FAM171A1: variants seen among roughly 807,000 people sequenced by gnomAD.
FAM171A1 encodes the protein family with sequence similarity 171 member A1.
Under a neutral mutation model 74.9 loss-of-function variants are expected in FAM171A1, and 23 were observed. The observed-to-expected ratio is 0.31, with a 90% CI of 0.22 to 0.44. The LOEUF is 0.44. Ranked by LOEUF, FAM171A1 falls within the 20% of genes least tolerant of loss-of-function variation. The probability of loss-of-function intolerance (pLI) is 1.00; values close to 1 mark genes in which losing one functional copy is unlikely to be tolerated. For missense variants in FAM171A1, 1,162 were observed against 1,159.2 expected (o/e 1.00, Z -0.03); for synonymous variants, 527 against 505.7 (o/e 1.04, Z -0.57).
intron 2 of FAM171A1, among the ~76,000 whole-genome samples, chr10:15,276,893 C>T (rs1424055611): frequency 6.6e-6 from 1 of 151,974 alleles, no homozygotes; most frequent in African/African-American, 2.4e-5. Context: ...CATATGTTGC[C>T]CAGGTTACTC....
At chr10:15,216,183 G>A (rs927868725) in intron 6 of FAM171A1, 73 bp from the exon 7 acceptor site, 25 of 961,378 alleles carry the variant, frequency 2.6e-5, no homozygotes, top group African/African-American at 1.0e-4. Context: ...CATTGAGAAC[G>A]CAGTGTCTTG....
chr10:15,276,841 C>T (rs1291592563), intron 2 of FAM171A1, among the ~76,000 whole-genome samples: 1 of 152,108 alleles, frequency 6.6e-6, no homozygotes, highest in Non-Finnish European at 1.5e-5. Flanking sequence ...TGCACCACTG[C>T]ACCCAGCTAA....
intron 1 of FAM171A1, among the ~76,000 whole-genome samples, chr10:15,303,440 GA>G (rs1475673220): frequency 1.3e-5 from 2 of 152,054 alleles, no homozygotes. Flanking sequence ...TAAGTTTCTA[GA>G]ATGGTTCTTA....
At chr10:15,348,858 T>G (rs1355453139) in intron 1 of FAM171A1, among the ~76,000 whole-genome samples, 1 of 152,212 alleles carries the variant, frequency 6.6e-6, no homozygotes, top group Non-Finnish European at 1.5e-5. Flanking sequence ...GAAGTGACTT[T>G]CACTGTACTC....
chr10:15,372,202 C>T (rs531566037), upstream of FAM171A1, among the ~76,000 whole-genome samples: 2 of 152,232 alleles, frequency 1.3e-5, no homozygotes, highest in South Asian at 2.1e-4. Flanking sequence ...GACTGTAGTT[C>T]GGTCAAGCAG....
chr10:15,222,775 G>A (rs575207730), intron 5 of FAM171A1, among the ~76,000 whole-genome samples: 2 of 152,360 alleles, frequency 1.3e-5, no homozygotes, highest in African/African-American at 2.4e-5. Flanking sequence ...CCGCTCCTCT[G>A]CTCACATGGC....
chr10:15,244,798 C>T (rs191651986), intron 5 of FAM171A1, among the ~76,000 whole-genome samples: 15 of 152,146 alleles, frequency 9.9e-5, no homozygotes, highest in African/African-American at 1.4e-4. Flanking sequence ...AACTGGCACC[C>T]GCATACCGTG....
At chr10:15,329,553 G>A (rs1020604670) in intron 1 of FAM171A1, among the ~76,000 whole-genome samples, 3 of 151,290 alleles carry the variant, frequency 2.0e-5, no homozygotes, top group Non-Finnish European at 4.4e-5. Context: ...ATGAGCCCAG[G>A]AAGTTGAAGC....
intron 1 of FAM171A1, among the ~76,000 whole-genome samples, chr10:15,361,849 T>C (rs563668164): frequency 1.3e-4 from 20 of 152,330 alleles, no homozygotes; most frequent in African/African-American, 3.6e-4. Context: ...CTCAAGATAG[T>C]ACATCTAAGA....
chr10:15,331,825 ATGTGTG>A (rs1835636324), intron 1 of FAM171A1, among the ~76,000 whole-genome samples: 1 of 100,046 alleles, frequency 1.0e-5, no homozygotes, highest in Non-Finnish European at 2.1e-5. Flanking sequence ...GGGTATATAT[ATGTGTG>A]TATATATATG....
chr10:15,227,656 T>C (rs1420737765), intron 5 of FAM171A1, among the ~76,000 whole-genome samples: 3 of 152,240 alleles, frequency 2.0e-5, no homozygotes, highest in African/African-American at 7.2e-5. Context: ...ATTGGGATTA[T>C]AGGCATCAGT....
At chr10:15,288,531 A>T (rs1835065444) in intron 1 of FAM171A1, among the ~76,000 whole-genome samples, 1 of 152,204 alleles carries the variant, frequency 6.6e-6, no homozygotes, top group Non-Finnish European at 1.5e-5. Context: ...TGATTTATGC[A>T]ATTTTATGGA....
intron 5 of FAM171A1, among the ~76,000 whole-genome samples, chr10:15,223,473 G>C (rs773122109): frequency 7.9e-5 from 12 of 152,254 alleles, no homozygotes; most frequent in Non-Finnish European, 1.8e-4. Flanking sequence ...ACGGGACCCA[G>C]AGGGTGAGAG....
chr10:15,278,228 T>C (rs147632202), intron 2 of FAM171A1, among the ~76,000 whole-genome samples: 72 of 152,286 alleles, frequency 4.7e-4, no homozygotes, highest in Non-Finnish European at 9.4e-4. Context: ...CCTTCAAGAG[T>C]TATGCATTGC....
chr10:15,217,471 C>T (rs1209112196), intron 6 of FAM171A1, among the ~76,000 whole-genome samples: 2 of 152,094 alleles, frequency 1.3e-5, no homozygotes, highest in African/African-American at 4.8e-5. Flanking sequence ...CCTAGATAAA[C>T]CCAAGATTTA....
At chr10:15,301,345 T>TAA (rs1835225797) in intron 1 of FAM171A1, among the ~76,000 whole-genome samples, 1 of 53,518 alleles carries the variant, frequency 1.9e-5, no homozygotes, top group African/African-American at 4.1e-5. Context: ...CACGCCCAGC[T>TAA]ATATATATAT....
chr10:15,356,472 G>T (rs1257123305), intron 1 of FAM171A1, among the ~76,000 whole-genome samples: 4 of 152,074 alleles, frequency 2.6e-5, no homozygotes, highest in Non-Finnish European at 5.9e-5. Flanking sequence ...GGAGAGAAAT[G>T]AAAAATATTG....
At chr10:15,363,506 A>T (rs1174735034) in intron 1 of FAM171A1, among the ~76,000 whole-genome samples, 1 of 152,222 alleles carries the variant, frequency 6.6e-6, no homozygotes, top group Admixed American at 6.5e-5. Flanking sequence ...CGGCCTTAAA[A>T]TAACTGAATG....
intron 6 of FAM171A1, among the ~76,000 whole-genome samples, chr10:15,218,519 T>C (rs1476376254): frequency 6.6e-6 from 1 of 152,158 alleles, no homozygotes; most frequent in East Asian, 1.9e-4. Flanking sequence ...AGTATAATTT[T>C]TTGTAATAAA....
Sources: allele counts gnomAD v4.1 joint callset (sites outside exome capture counted in the v4.1 genomes callset), GRCh38; gene constraint gnomAD v4.1.1; transcripts MANE v1.5; gene names NCBI Gene and HGNC (gene_info 2026-07-23, HGNC 2026-07-21).